TIAM2: variants seen among roughly 807,000 people sequenced by gnomAD.
The protein encoded by TIAM2 is TIAM Rac1 associated GEF 2.
In TIAM2, 80 loss-of-function variants were observed where a neutral mutation model predicts 152.9. The observed-to-expected ratio is 0.52, with a 90% CI of 0.44 to 0.63. The LOEUF (loss-of-function observed/expected upper bound fraction) is 0.63, where lower values mean the gene tolerates loss of function less well. Among genes scored for constraint, TIAM2 ranks in the 30% least tolerant of loss-of-function variants. The probability of loss-of-function intolerance (pLI) is 0.00; values close to 1 mark genes in which losing one functional copy is unlikely to be tolerated. For missense variants in TIAM2, 1,965 were observed against 2,120.1 expected (o/e 0.93, Z 1.44); for synonymous variants, 804 against 838.0 (o/e 0.96, Z 0.70).
In TIAM2 at chr6:155,137,492, C is replaced by G. The variant is rs1205138347; in HGVS notation, c.1510C>G (p.Gln504Glu). The G allele has an allele frequency of 6.2e-7, 1 of 1,614,192 alleles. No individual in the cohort carries two copies. Among genetic ancestry groups the G allele is most frequent in the Non-Finnish European group, 8.5e-7 (1 of 1,180,034 alleles). Residue 504 changes from glutamine (Q) to glutamate (E), a missense_variant, in exon 5 of 27, where the codon CAG becomes GAG. Physicochemically the swap from Gln to Glu is conservative, Grantham distance 29. Coordinates refer to ENST00000682666, the MANE Select transcript of TIAM2 (RefSeq NM_012454.4). ...GCTGGATCTGCTCTTTGAGAAGGAACAGGGGGTGGTCCGGAAGGCCGGGTG... is the reference window on the plus strand; with the variant it reads ...GCTGGATCTGCTCTTTGAGAAGGAAGAGGGGGTGGTCCGGAAGGCCGGGTG... ...EQLDLLFEKE[Q>E]GVVRKAGWLF...
At chr6:155,073,049 T>A (rs1777875666) in intron 1 of TIAM2, among the ~76,000 whole-genome samples, 1 of 152,140 alleles carries the variant, frequency 6.6e-6, no homozygotes, top group Non-Finnish European at 1.5e-5. Flanking sequence ...TAAATTGGTG[T>A]TTTTCATGCC....
rs926517526 is a variant in TIAM2 at position 155,244,879 on chromosome 6, T to C, written c.3543+96T>C. On this transcript the variant is annotated intron_variant, in intron 18 of 26. Transcript: ENST00000682666. ...TCTCATGAGAAAGAATTTCTTGTCC[T>C]GTGACTATTGACTATTTATTGTCCT... The C allele has an allele frequency of 8.6e-6, 12 of 1,388,820 alleles. No individual in the cohort carries two copies. In the African/African-American group the frequency reaches 1.3e-4, roughly 15 times the overall value. 86.0% of individuals were successfully genotyped at this position (1,388,820 alleles called of 1,614,324 possible).
At chr6:155,164,242 C>CA (rs1780358317) in intron 7 of TIAM2, among the ~76,000 whole-genome samples, 173 bp from the exon 8 acceptor site, 1 of 149,560 alleles carries the variant, frequency 6.7e-6, no homozygotes, top group Non-Finnish European at 1.5e-5. Context: ...CCAAAGGACC[C>CA]AATGCATTTT....
chr6:155,223,632 T>G (rs569595040), intron 15 of TIAM2, among the ~76,000 whole-genome samples: 1 of 152,102 alleles, frequency 6.6e-6, no homozygotes, highest in Admixed American at 6.6e-5. Flanking sequence ...TTGAAAGTTT[T>G]ATTTTCTATC....
intron 14 of TIAM2, among the ~76,000 whole-genome samples, chr6:155,206,250 G>GTT (rs202011341): frequency 6.6e-6 from 1 of 152,066 alleles, no homozygotes; most frequent in African/African-American, 2.4e-5. Flanking sequence ...CCACAGCATG[G>GTT]TTTTTTTGTT....
At chr6:155,199,509 C>A (rs566204230) in intron 14 of TIAM2, among the ~76,000 whole-genome samples, 2 of 152,286 alleles carry the variant, frequency 1.3e-5, no homozygotes, top group South Asian at 4.1e-4. Flanking sequence ...TAGTTCCTGG[C>A]TTTTTCGTCT....
At chr6:155,238,458 C>T (rs538489737) in intron 15 of TIAM2, among the ~76,000 whole-genome samples, 1 of 152,270 alleles carries the variant, frequency 6.6e-6, no homozygotes, top group African/African-American at 2.4e-5. Context: ...TCAGCAGTGC[C>T]CCCGACTCAA....
At chr6:155,098,302 C>T (rs750113956) in intron 2 of TIAM2, among the ~76,000 whole-genome samples, 6 of 152,032 alleles carry the variant, frequency 3.9e-5, no homozygotes, top group Admixed American at 6.6e-5. Context: ...TCTTCCAAGC[C>T]GTGAGCATGG....
At chr6:155,029,614 TA>T (rs1776778230) in intron 1 of TIAM2, among the ~76,000 whole-genome samples, 2 of 73,664 alleles carry the variant, frequency 2.7e-5, no homozygotes, top group African/African-American at 1.3e-4. Context: ...TATAACTCTG[TA>T]TATATGTATA....
rs114296676 is a variant in TIAM2, at chr6:155,256,572, C to T, written c.4557C>T (p.Asp1519=). ...ETGKGTLLDS[D]EGSLSSGTQS... ...GCAAGGGAACCTTGCTGGACTCTGA[C>T]GAGGGCAGCTTGAGCAGCGGCACCC... Residue 1519 remains aspartate, a synonymous_variant, in exon 27 of 27, where the codon GAC becomes GAT. Coordinates refer to ENST00000682666, the MANE Select transcript of TIAM2 (RefSeq NM_012454.4). 1.2e-5 allele frequency: 19 copies of T among 1,614,074 alleles called. No homozygotes were observed. The highest frequency in any genetic ancestry group is 4.0e-5 in the African/African-American group (3 of 74,930).
At chr6:155,020,116 G>T (rs1776446511) in intron 1 of TIAM2, among the ~76,000 whole-genome samples, 2 of 152,088 alleles carry the variant, frequency 1.3e-5, no homozygotes, top group South Asian at 4.1e-4. Flanking sequence ...GGTTCTTCAG[G>T]TTCTGCACCC....
At chr6:155,245,175 T>A (rs1016522722) in intron 18 of TIAM2, among the ~76,000 whole-genome samples, 1 of 152,214 alleles carries the variant, frequency 6.6e-6, no homozygotes, top group Non-Finnish European at 1.5e-5. Context: ...ATTGCTGGGC[T>A]CAAGCCCTCT....
At chr6:155,119,758 A>G (rs1400674074) in intron 2 of TIAM2, among the ~76,000 whole-genome samples, 1 of 152,186 alleles carries the variant, frequency 6.6e-6, no homozygotes, top group Non-Finnish European at 1.5e-5. Context: ...CAGTTTTTAA[A>G]ACATTTCTTT....
chr6:155,237,200 C>T (rs753613284), intron 15 of TIAM2, among the ~76,000 whole-genome samples: 3 of 152,202 alleles, frequency 2.0e-5, no homozygotes, highest in East Asian at 1.9e-4. Context: ...CATGCAATTC[C>T]GAAATCCAGC....
intron 1 of TIAM2, among the ~76,000 whole-genome samples, chr6:155,054,306 A>G (rs1201377469): frequency 6.6e-6 from 1 of 152,156 alleles, no homozygotes; most frequent in Non-Finnish European, 1.5e-5. Context: ...CTTACAGGTG[A>G]CAGCCATGCT....
At chr6:155,204,658 G>A (rs1272888549) in intron 14 of TIAM2, among the ~76,000 whole-genome samples, 1 of 152,054 alleles carries the variant, frequency 6.6e-6, no homozygotes, top group Non-Finnish European at 1.5e-5. Flanking sequence ...AAAAATCAAT[G>A]TACTATAATA....
At chr6:155,167,603 A>G (rs1197100157) in intron 9 of TIAM2, among the ~76,000 whole-genome samples, 2 of 152,202 alleles carry the variant, frequency 1.3e-5, no homozygotes, top group Admixed American at 6.5e-5. Flanking sequence ...TATTGACTGT[A>G]GTCAACTGCA....
Position 155,174,552 on chromosome 6 carries a change from A to G in TIAM2, c.2362-2264A>G, listed in dbSNP as rs539062768. On this transcript the variant is annotated intron_variant, in intron 9 of 26. Transcript: ENST00000682666. The surrounding 1 kb of genome is among the most constrained non-coding windows in gnomAD (Gnocchi z 4.2). ...TGCCCGGATAATTTTTATTTTTAGT[A>G]GAGATAGGGTTTTACCATGTTGGCC... is the stretch of plus-strand genomic sequence containing the variant. Among the ~76,000 whole-genome samples, 1 of 152,158 alleles carries G rather than the reference A, an allele frequency of 6.6e-6. No individual in the cohort carries two copies. Among genetic ancestry groups the G allele is most frequent in the East Asian group, 1.9e-4 (1 of 5,180 alleles).
At chr6:155,018,570 G>A (rs570507447) in intron 1 of TIAM2, among the ~76,000 whole-genome samples, 10 of 151,280 alleles carry the variant, frequency 6.6e-5, no homozygotes, top group African/African-American at 1.9e-4. Flanking sequence ...AGTGAGCCAA[G>A]GTTGTGCCAC....
Sources: gnomAD v4.1 joint callset for allele counts (sites outside exome capture counted in the v4.1 genomes callset) on GRCh38, gnomAD v4.1.1 for gene constraint, Gnocchi (gnomAD v3.1) non-coding constraint, MANE v1.5 for transcripts, NCBI Gene and HGNC (gene_info 2026-07-23, HGNC 2026-07-21) for gene names.